Variants in RNF145 observed in about 807,000 individuals in gnomAD.
RNF145 encodes ring finger protein 145.
RNF145 carries 12 observed loss-of-function variants against 57.3 expected under a neutral mutation model. That is an observed-to-expected ratio of 0.21 (90% CI 0.13 to 0.34). The LOEUF (loss-of-function observed/expected upper bound fraction) is 0.34. Ranked by LOEUF, RNF145 falls within the 10% of genes least tolerant of loss-of-function variation. The pLI, the probability that RNF145 is intolerant of heterozygous loss-of-function variation, is 1.00. For synonymous variants in RNF145, 262 were observed against 288.3 expected (o/e 0.91, Z 0.92); for missense variants, 429 against 799.0 (o/e 0.54, Z 5.58).
At position 159,161,316 on chromosome 5, in the gene RNF145, T is replaced by A; in HGVS notation, c.1576A>T (p.Thr526Ser). 6.2e-7 allele frequency: 1 copy of A among 1,613,972 alleles called. No homozygotes were observed. The highest frequency in any genetic ancestry group is 8.5e-7 in the Non-Finnish European group (1 of 1,179,868). Residue 526 changes from threonine to serine, a missense_variant, in exon 10 of 11, where the codon ACG becomes TCG. By Grantham distance (58) the Thr-to-Ser change is moderately conservative (BLOSUM62 1). Around this residue, in one of 4 missense-constraint regions of RNF145, gnomAD observed 216 missense variants for 457.6 expected, o/e 0.47. Transcript: ENST00000424310. ...TTGTGTTTCTCAAGCTGCTCTTTCG[T>A]AGCAATGGGTAACGATTTAATCTTA... ...VNKIKSLPIA[T>S]KEQLEKHNDI...
At chr5:159,176,534 G>A (rs1211904724) in intron 5 of RNF145, 98 bp downstream of exon 5, 1 of 728,176 alleles carries the variant, frequency 1.4e-6, no homozygotes, top group African/African-American at 1.8e-5. Flanking sequence ...AAAAATGAAT[G>A]GTACCATAAC....
chr5:159,209,825 G>T, upstream of RNF145: 1 of 1,534,468 alleles, frequency 6.5e-7, no homozygotes, highest in Non-Finnish European at 8.7e-7. Context: ...AAACACCACG[G>T]GCCGCAAGCG....
chr5:159,196,021 ATG>A (rs1462847355), intron 2 of RNF145, among the ~76,000 whole-genome samples: 1 of 152,038 alleles, frequency 6.6e-6, no homozygotes, highest in Non-Finnish European at 1.5e-5. Flanking sequence ...AATTCCTCTC[ATG>A]TGTTACCCTT....
At chr5:159,196,379 T>G (rs534809513) in intron 2 of RNF145, among the ~76,000 whole-genome samples, 3 of 152,146 alleles carry the variant, frequency 2.0e-5, no homozygotes, top group Non-Finnish European at 4.4e-5. Flanking sequence ...CAGGGTAATA[T>G]TCCTAACACC....
At chr5:159,205,640 A>G (rs759659856) in intron 1 of RNF145, among the ~76,000 whole-genome samples, 4 of 152,162 alleles carry the variant, frequency 2.6e-5, no homozygotes, top group Non-Finnish European at 5.9e-5. Flanking sequence ...ACCAGCCACC[A>G]TATTTGAAAA....
At chr5:159,167,838 A>G (rs958375603) in intron 8 of RNF145, among the ~76,000 whole-genome samples, 2 of 152,204 alleles carry the variant, frequency 1.3e-5, no homozygotes, top group Non-Finnish European at 2.9e-5. Flanking sequence ...ATGTTTGGCA[A>G]TGTGTGTTAT....
intron 1 of RNF145, among the ~76,000 whole-genome samples, chr5:159,205,844 T>C (rs1334023014): frequency 6.6e-6 from 1 of 152,182 alleles, no homozygotes; most frequent in African/African-American, 2.4e-5. Context: ...TTTCTCTTTT[T>C]TCAATGCTTT....
intron 10 of RNF145, among the ~76,000 whole-genome samples, chr5:159,159,974 G>T (rs62378677): frequency 0.023 from 3,510 of 152,256 alleles, 57 homozygotes; most frequent in Admixed American, 0.042. Flanking sequence ...GCAGCCAGCT[G>T]GGAAGCTAAG....
chr5:159,207,459 A>T (rs1319415701), intron 1 of RNF145: 1 of 1,499,424 alleles, frequency 6.7e-7, no homozygotes, highest in Non-Finnish European at 9.0e-7. Flanking sequence ...AAAGAAAAAC[A>T]AAAATCATCA....
intron 8 of RNF145, among the ~76,000 whole-genome samples, chr5:159,166,892 G>A (rs1346561246): frequency 6.6e-6 from 1 of 152,140 alleles, no homozygotes; most frequent in East Asian, 1.9e-4. Context: ...AGAAGGCTGA[G>A]GCAGGAGGAC....
At chr5:159,163,747 T>G (rs1376341955) in intron 8 of RNF145, among the ~76,000 whole-genome samples, 1 of 152,224 alleles carries the variant, frequency 6.6e-6, no homozygotes, top group East Asian at 1.9e-4. Context: ...AGCCTGGCAT[T>G]TGAGGTCCTC....
chr5:159,174,478 A>G (rs1216129078), intron 5 of RNF145, among the ~76,000 whole-genome samples: 4 of 152,178 alleles, frequency 2.6e-5, no homozygotes, highest in Non-Finnish European at 1.5e-5. Context: ...GAGACTTGGT[A>G]AACACTCATG....
At chr5:159,179,604 A>ATT (rs1372211888) in intron 4 of RNF145, among the ~76,000 whole-genome samples, 1 of 152,160 alleles carries the variant, frequency 6.6e-6, no homozygotes, top group Non-Finnish European at 1.5e-5. Flanking sequence ...ACTGATAAGA[A>ATT]GAGTTTTAAG....
At position 159,182,040 on chromosome 5, in the gene RNF145, C is replaced by T. The variant is rs759962164; in HGVS notation, c.305G>A (p.Arg102Gln). 35 of 1,595,932 alleles carry T rather than the reference C, an allele frequency of 2.2e-5. No homozygotes were observed. The highest frequency in any genetic ancestry group is 4.5e-5 in the East Asian group (2 of 44,692). ...CTCATAGGCAAACTCCAGTTCACTC[C>T]GAACATAGTCCCTAAATAAGAAAAT... ...AGHQISRDYV[R>Q]SELEFAYEGP... The change falls in exon 4 of 11, where the codon CGG becomes CAG. Residue 102 changes from arginine to glutamine, a missense_variant. Transcript: ENST00000424310.
intron 9 of RNF145, 46 bp from the exon 10 acceptor site, chr5:159,161,668 A>C: frequency 8.9e-7 from 1 of 1,118,104 alleles, no homozygotes; most frequent in Non-Finnish European, 1.3e-6. Context: ...ATGATCACTA[A>C]GATACTTTTT....
intron 10 of RNF145, among the ~76,000 whole-genome samples, chr5:159,160,248 A>G (rs1358054835): frequency 6.6e-6 from 1 of 152,178 alleles, no homozygotes; most frequent in African/African-American, 2.4e-5. Flanking sequence ...GGGAGGCAGG[A>G]ACCCTACATT....
chr5:159,197,569 C>T (rs1472900805), intron 2 of RNF145, among the ~76,000 whole-genome samples: 23 of 150,540 alleles, frequency 1.5e-4, no homozygotes, highest in Admixed American at 1.5e-3. Context: ...ACAATGAATA[C>T]TAACTATGAG....
At chr5:159,161,027 G>A in intron 10 of RNF145, 1 of 411,682 alleles carries the variant, frequency 2.4e-6, no homozygotes, top group Non-Finnish European at 4.3e-6. Flanking sequence ...TTATTTATGG[G>A]TGAGCAATAA....
chr5:159,159,140 T>C (rs1784134095), intron 10 of RNF145, 105 bp from the exon 11 acceptor site: 4 of 1,024,636 alleles, frequency 3.9e-6, no homozygotes, highest in African/African-American at 1.6e-5. Context: ...CAATAGAAAA[T>C]TTGTAACATA....
Sources: allele counts gnomAD v4.1 joint callset (sites outside exome capture counted in the v4.1 genomes callset), GRCh38; gene constraint gnomAD v4.1.1; regional missense constraint gnomAD v4.1.1; transcripts MANE v1.5; gene names NCBI Gene and HGNC (gene_info 2026-07-23, HGNC 2026-07-21).